Variants in UTRN observed in about 807,000 individuals in gnomAD.
UTRN encodes utrophin, also known as dystrophin-related protein 1.
Under a neutral mutation model 463.9 loss-of-function variants are expected in UTRN, and 283 were observed. The observed-to-expected ratio is 0.61, with a 90% CI of 0.55 to 0.67. UTRN has a LOEUF of 0.67. Among genes scored for constraint, UTRN ranks in the 30% least tolerant of loss-of-function variants. The pLI is 0.00. For missense variants in UTRN, 3,922 were observed against 4,084.3 expected, an observed-to-expected ratio of 0.96 and a Z score of 1.08; for synonymous variants, 1,442 against 1,431.5, an observed-to-expected ratio of 1.01 and a Z score of -0.17.
At chr6:144,337,257 TTC>T (rs1444441452) in intron 2 of UTRN, among the ~76,000 whole-genome samples, 1 of 151,622 alleles carries the variant, frequency 6.6e-6, no homozygotes, top group Non-Finnish European at 1.5e-5. Context: ...AAACCCTGAA[TTC>T]TCCCCTCTTA....
chr6:144,473,696 C>A (rs1364690984), intron 23 of UTRN, 24 bp from the exon 24 acceptor site: 6 of 1,594,316 alleles, frequency 3.8e-6, no homozygotes, highest in Non-Finnish European at 5.2e-6. Flanking sequence ...AGTAATATCC[C>A]CCTCTGTTAT....
chr6:144,525,681 T>C (rs1327321805), intron 41 of UTRN, among the ~76,000 whole-genome samples: 1 of 152,108 alleles, frequency 6.6e-6, no homozygotes, highest in Non-Finnish European at 1.5e-5. Context: ...CATTTTCATT[T>C]AGCTCTGCTC....
chr6:144,825,808 G>T (rs963768337), intron 66 of UTRN, among the ~76,000 whole-genome samples: 1 of 152,088 alleles, frequency 6.6e-6, no homozygotes, highest in African/African-American at 2.4e-5. Flanking sequence ...GGTTAATGAA[G>T]AACAGTGACG....
intron 2 of UTRN, among the ~76,000 whole-genome samples, chr6:144,366,373 T>G (rs1779508106): frequency 6.6e-6 from 1 of 152,224 alleles, no homozygotes; most frequent in Non-Finnish European, 1.5e-5. Context: ...TAGCCATTGG[T>G]TATTTTTCCT....
intron 63 of UTRN, among the ~76,000 whole-genome samples, chr6:144,797,193 T>C (rs1188473520): frequency 6.6e-6 from 1 of 151,900 alleles, no homozygotes; most frequent in African/African-American, 2.4e-5. Flanking sequence ...GATGAAATTT[T>C]TTTTTTTTTT....
intron 2 of UTRN, among the ~76,000 whole-genome samples, chr6:144,364,674 A>G (rs1779360943): frequency 6.6e-6 from 1 of 152,188 alleles, no homozygotes; most frequent in South Asian, 2.1e-4. Flanking sequence ...CAACTTTACT[A>G]TCTTACATTT....
intron 2 of UTRN, among the ~76,000 whole-genome samples, chr6:144,323,807 C>T (rs544963279): frequency 1.3e-5 from 2 of 152,070 alleles, no homozygotes; most frequent in African/African-American, 4.8e-5. Flanking sequence ...GTAATTTGGG[C>T]GAAAGCTTGC....
In UTRN at chr6:144,827,237, A is replaced by G; in HGVS notation, c.9495-111A>G. 3.1e-6 allele frequency: 4 copies of G among 1,305,710 alleles called. No individual in the cohort carries two copies. In the South Asian group the frequency reaches 3.8e-5, roughly 12 times the overall value. 80.9% of individuals were successfully genotyped at this position (1,305,710 alleles called of 1,614,324 possible). A position where few individuals can be genotyped will look rare whatever the true frequency, so the allele number is the denominator to read the frequency against. ...CCATGGTGGCTCTCAGGGCAACCAC[A>G]TATATGAGCGGAAGATAATTGAGAA... On this transcript the variant is annotated intron_variant, in intron 66 of 74. Coordinates refer to ENST00000367545, the MANE Select transcript of UTRN (RefSeq NM_007124.3).
At chr6:144,836,026 T>C in intron 70 of UTRN, 88 bp downstream of exon 70, 3 of 1,534,110 alleles carry the variant, frequency 2.0e-6, no homozygotes, top group Non-Finnish European at 2.6e-6. Context: ...TTTTCAAGAC[T>C]ATTGTCTAAG....
chr6:144,570,057 G>GT (rs1437294536), intron 50 of UTRN, among the ~76,000 whole-genome samples: 10 of 152,248 alleles, frequency 6.6e-5, no homozygotes, highest in African/African-American at 2.4e-4. Flanking sequence ...AACTTGTGTT[G>GT]TTTTTTACCA....
intron 57 of UTRN, 104 bp downstream of exon 57, chr6:144,754,902 A>G: frequency 9.0e-7 from 1 of 1,107,666 alleles, no homozygotes; most frequent in South Asian, 1.5e-5. Flanking sequence ...ATGTTTATTT[A>G]GATAGATCCT....
At chr6:144,287,475 G>C (rs1803808779) in intron 1 of UTRN, among the ~76,000 whole-genome samples, 1 of 152,028 alleles carries the variant, frequency 6.6e-6, no homozygotes, top group Non-Finnish European at 1.5e-5. Context: ...ATCGTTCCTA[G>C]GTTTTGGTTC....
chr6:144,501,738 T>C (rs1314451994), intron 34 of UTRN, among the ~76,000 whole-genome samples: 1 of 152,168 alleles, frequency 6.6e-6, no homozygotes, highest in Non-Finnish European at 1.5e-5. Flanking sequence ...TCATAATTAT[T>C]TCCTGAGGAT....
intron 54 of UTRN, among the ~76,000 whole-genome samples, chr6:144,732,466 T>C: frequency 6.6e-6 from 1 of 151,912 alleles, no homozygotes; most frequent in South Asian, 2.1e-4. Context: ...TGTTCTGTCA[T>C]CTGTGTGCAA....
Position 144,633,777 on chromosome 6 carries a change from C to A in UTRN, c.7480-44629C>A, listed in dbSNP as rs117683881. On this transcript the variant is annotated intron_variant, in intron 51 of 74. Transcript: ENST00000367545. ...TAGACTAGTTTTCATTCTTTTCCTT[C>A]CCTTCGGTATGATAAATTCTTTTAA... is the stretch of plus-strand genomic sequence containing the variant. Among the ~76,000 whole-genome samples, 324 of 152,284 alleles carry A rather than the reference C, an allele frequency of 2.1e-3. 10 individuals carry two copies. In the East Asian group the frequency reaches 0.05, roughly 24 times the overall value.
intron 39 of UTRN, among the ~76,000 whole-genome samples, chr6:144,521,687 ATTG>A (rs1473276844): frequency 2.6e-5 from 4 of 152,070 alleles, no homozygotes; most frequent in Non-Finnish European, 4.4e-5. Context: ...CAAGAAAGGA[ATTG>A]TTGTTTTTTG....
chr6:144,351,957 C>T (rs995284038), intron 2 of UTRN, among the ~76,000 whole-genome samples: 1 of 152,190 alleles, frequency 6.6e-6, no homozygotes, highest in Non-Finnish European at 1.5e-5. Context: ...CCTGGCTCAG[C>T]CAGTCTCTTG....
chr6:144,296,486 C>T (rs1481973264), intron 2 of UTRN, among the ~76,000 whole-genome samples: 4 of 152,172 alleles, frequency 2.6e-5, no homozygotes, highest in African/African-American at 9.7e-5. Context: ...AGAGCAGGGA[C>T]CAATACATCC....
In UTRN at chr6:144,700,053, T is replaced by C. The variant is rs550550193; in HGVS notation, c.7653-34T>C. Reference sequence around the variant, plus strand: ...TGTGAATGTAATTTGCATTTCTAAATGTGGTTATTATTATTATTATTATCT... The same window carrying C: ...TGTGAATGTAATTTGCATTTCTAAACGTGGTTATTATTATTATTATTATCT... On this transcript the variant is annotated intron_variant, in intron 52 of 74. Transcript: ENST00000367545. The C allele has an allele frequency of 3.2e-5, 49 of 1,540,562 alleles. No homozygotes were observed. The East Asian group carries it at 1.0e-3, about 32-fold the overall frequency.
Sources: allele counts gnomAD v4.1 joint callset (sites outside exome capture counted in the v4.1 genomes callset), GRCh38; gene constraint gnomAD v4.1.1; transcripts MANE v1.5; gene names NCBI Gene and HGNC (gene_info 2026-07-23, HGNC 2026-07-21).